Variants in MC2R observed in about 807,000 individuals in gnomAD.
MC2R encodes the protein melanocortin 2 receptor, also known as adrenocorticotropic hormone receptor.
A neutral mutation model predicts 9.8 loss-of-function variants in MC2R; 9 were observed. That is an observed-to-expected ratio of 0.92 (90% CI 0.55 to 1.60). The LOEUF is 1.60. MC2R is among the 40% of genes most tolerant of loss of function. The probability of loss-of-function intolerance (pLI) is 0.00; values close to 1 mark genes in which losing one functional copy is unlikely to be tolerated. For synonymous variants in MC2R, 185 were observed against 154.7 expected, an observed-to-expected ratio of 1.20 and a Z score of -1.45; for missense variants, 370 against 389.0, an observed-to-expected ratio of 0.95 and a Z score of 0.41.
intron 1 of MC2R, among the ~76,000 whole-genome samples, chr18:13,906,266 C>T (rs1180066460): frequency 2.6e-5 from 4 of 152,144 alleles, no homozygotes; most frequent in South Asian, 2.1e-4. Flanking sequence ...GGAATCAGAT[C>T]GTGTCCTTTG....
At chr18:13,904,727 C>T (rs1567902026) in intron 1 of MC2R, among the ~76,000 whole-genome samples, 1 of 151,992 alleles carries the variant, frequency 6.6e-6, no homozygotes, top group Non-Finnish European at 1.5e-5. Context: ...GAACAGAGAC[C>T]TCAGAAATAA....
intron 1 of MC2R, among the ~76,000 whole-genome samples, chr18:13,894,847 G>A (rs1033408888): frequency 7.9e-5 from 12 of 152,152 alleles, no homozygotes; most frequent in African/African-American, 2.9e-4. Context: ...ATTTGTTTAA[G>A]CCCAAACAAG....
At position 13,892,805 on chromosome 18, in the gene MC2R, TACACACACACACACACACACACAC is replaced by T. The variant is rs34352644; in HGVS notation, c.-128-7183_-128-7160del. Among the ~76,000 whole-genome samples, 382 of 147,224 alleles carry T rather than the reference TACACACACACACACACACACACAC, an allele frequency of 2.6e-3. 2 individuals are homozygous for T. The highest frequency in any genetic ancestry group is 9.3e-3 in the African/African-American group (368 of 39,516). ...AGAGATGGAGATAGACATAATCTGT[TACACACACACACACACACACACAC>T]ACACACACACACACACACCACACAC... On this transcript the variant is annotated intron_variant, in intron 1 of 1. Transcript: ENST00000327606.
At chr18:13,905,314 C>T (rs1016888027) in intron 1 of MC2R, among the ~76,000 whole-genome samples, 1 of 151,982 alleles carries the variant, frequency 6.6e-6, no homozygotes, top group African/African-American at 2.4e-5. Context: ...GGTGAAACCC[C>T]GTCTCTACTA....
intron 1 of MC2R, among the ~76,000 whole-genome samples, chr18:13,896,143 T>C (rs975635024): frequency 5.9e-5 from 9 of 152,206 alleles, no homozygotes; most frequent in South Asian, 2.1e-4. Context: ...AAGCACGATG[T>C]TGTTCTAATA....
chr18:13,884,776 TTAC>T lies in MC2R; in HGVS notation c.740_742del (p.Ser247del). On this transcript the variant is annotated inframe_deletion, in exon 2 of 2. Coordinates refer to ENST00000327606, the MANE Select transcript of MC2R (RefSeq NM_000529.2). ...AGACATGTAGCAGGCGCAGTAGGGG[TTAC>T]TTGGGCAGAATGTCATCAAGAGGAC... 1 of 1,613,644 alleles carries T rather than the reference TTAC, an allele frequency of 6.2e-7. No homozygotes were observed. The highest frequency in any genetic ancestry group is 2.2e-5 in the East Asian group (1 of 44,858).
intron 1 of MC2R, among the ~76,000 whole-genome samples, chr18:13,911,596 C>A (rs1015659566): frequency 2.0e-5 from 3 of 152,128 alleles, no homozygotes; most frequent in Admixed American, 1.3e-4. Flanking sequence ...CCGAGTCCAG[C>A]CCAATCAGAC....
chr18:13,904,246 T>C (rs1035705044), intron 1 of MC2R, among the ~76,000 whole-genome samples: 1 of 149,026 alleles, frequency 6.7e-6, no homozygotes, highest in Non-Finnish European at 1.5e-5. Context: ...GCAGGCGAGG[T>C]GGTGGGCACC....
chr18:13,902,741 C>T (rs949175112), intron 1 of MC2R, among the ~76,000 whole-genome samples: 1 of 151,998 alleles, frequency 6.6e-6, no homozygotes, highest in Non-Finnish European at 1.5e-5. Context: ...GAAACTAATA[C>T]AATAAAACAT....
chr18:13,903,099 C>A (rs1567901520), intron 1 of MC2R, among the ~76,000 whole-genome samples: 1 of 152,204 alleles, frequency 6.6e-6, no homozygotes, highest in Non-Finnish European at 1.5e-5. Flanking sequence ...AGGTGCTCAA[C>A]ATCATTGATC....
chr18:13,905,198 A>G (rs767622442), intron 1 of MC2R, among the ~76,000 whole-genome samples: 7 of 152,238 alleles, frequency 4.6e-5, no homozygotes, highest in Non-Finnish European at 1.0e-4. Context: ...CAAGAAAAAA[A>G]CAACCCCACC....
At chr18:13,892,357 G>A (rs912432105) in intron 1 of MC2R, among the ~76,000 whole-genome samples, 32 of 152,158 alleles carry the variant, frequency 2.1e-4, no homozygotes, top group African/African-American at 7.0e-4. Context: ...GGTGGGGGGC[G>A]GGTGGGAAGA....
Position 13,885,191 on chromosome 18 carries a change from A to T in MC2R, c.328T>A (p.Phe110Ile). Residue 110 changes from phenylalanine (F) to isoleucine (I), a missense_variant, in exon 2 of 2, where the codon TTT becomes ATT. Coordinates refer to ENST00000327606, the MANE Select transcript of MC2R (RefSeq NM_000529.2). The part of the protein sequence containing the change: ...TTADDIIDSL[F>I]VLSLLGSIFS... Reference sequence around the variant, plus strand: ...ATGGAGCCAAGCAGGGAGAGGACAAACAGGGAGTCGATGATGTCATCGGCT... The same window carrying T: ...ATGGAGCCAAGCAGGGAGAGGACAATCAGGGAGTCGATGATGTCATCGGCT... The T allele has an allele frequency of 6.2e-7, 1 of 1,614,188 alleles. No homozygotes were observed. Among genetic ancestry groups the T allele is most frequent in the Non-Finnish European group, 8.5e-7 (1 of 1,180,042 alleles).
In MC2R at chr18:13,883,605, ACACACACACACACACACACACACTCTCT is replaced by A. The variant is rs1172103673; in HGVS notation, c.*992_*1019del. ...CACACACACACACACACACACACAC[ACACACACACACACACACACACACTCTCT>A]CTCTCTCTCTCTCTCTCTCTCTCTG... On this transcript the variant is annotated 3_prime_UTR_variant, in exon 2 of 2. Coordinates refer to ENST00000327606, the MANE Select transcript of MC2R (RefSeq NM_000529.2). 7.8e-5 allele frequency: 8 copies of A among 103,012 alleles called. No homozygotes were observed. The highest frequency in any genetic ancestry group is 3.1e-4 in the African/African-American group (8 of 25,862). 6.4% of individuals were successfully genotyped at this position (103,012 alleles called of 1,614,324 possible). A position where few individuals can be genotyped will look rare whatever the true frequency, so the allele number is the denominator to read the frequency against.
At chr18:13,907,094 A>C (rs2045418486) in intron 1 of MC2R, among the ~76,000 whole-genome samples, 1 of 152,250 alleles carries the variant, frequency 6.6e-6, no homozygotes, top group Non-Finnish European at 1.5e-5. Context: ...GCAAAGTTGG[A>C]GGAATCACAG....
chr18:13,898,360 T>C (rs1028973966), intron 1 of MC2R, among the ~76,000 whole-genome samples: 2 of 152,146 alleles, frequency 1.3e-5, no homozygotes, highest in African/African-American at 2.4e-5. Context: ...CCACAGACAA[T>C]AGAACACTAG....
chr18:13,896,434 T>C (rs2045346644), intron 1 of MC2R, among the ~76,000 whole-genome samples: 1 of 152,180 alleles, frequency 6.6e-6, no homozygotes, highest in East Asian at 1.9e-4. Context: ...AGAAAGAATA[T>C]AGAAGTACAA....
chr18:13,908,706 T>TTGTG (rs57512236), intron 1 of MC2R, among the ~76,000 whole-genome samples: 1,732 of 142,662 alleles, frequency 0.012, 24 homozygotes, highest in East Asian at 0.046. Context: ...CAGGAGCTTC[T>TTGTG]TGTGTGTGTG....
Sources: gnomAD v4.1 joint callset for allele counts (sites outside exome capture counted in the v4.1 genomes callset) on GRCh38, gnomAD v4.1.1 for gene constraint, MANE v1.5 for transcripts, NCBI Gene and HGNC (gene_info 2026-07-23, HGNC 2026-07-21) for gene names.